The following HDAC9 variants were observed in gnomAD, a reference collection of about 807,000 sequenced individuals.
HDAC9 encodes the protein MEF-2 interacting transcription repressor (MITR) protein.
Under a neutral mutation model 139.4 loss-of-function variants are expected in HDAC9, and 41 were observed. The ratio of observed to expected loss-of-function variants is 0.29; its 90% CI spans 0.23 to 0.38. The LOEUF is 0.38. Among genes scored for constraint, HDAC9 ranks in the 10% least tolerant of loss-of-function variants. The probability of loss-of-function intolerance (pLI) is 1.00; values close to 1 mark genes in which losing one functional copy is unlikely to be tolerated. For missense variants in HDAC9, 1,147 were observed against 1,297.0 expected (o/e 0.88, Z 1.78); for synonymous variants, 517 against 476.2 (o/e 1.09, Z -1.12).
At chr7:18,904,572 CTTTTTTTTTTTTTT>C (rs71017010) in intron 22 of HDAC9, among the ~76,000 whole-genome samples, 23 of 71,942 alleles carry the variant, frequency 3.2e-4, no homozygotes, top group Middle Eastern at 8.5e-3. Context: ...CTCCCCATTT[CTTTTTTTTTTTTTT>C]TTTTTTTTTT....
At chr7:18,776,206 C>A (rs2519743) in intron 16 of HDAC9, among the ~76,000 whole-genome samples, 1,741 of 152,114 alleles carry the variant, frequency 0.011, 25 homozygotes, top group African/African-American at 0.04. Flanking sequence ...GCCTCCCAAA[C>A]TGCTAGGATT....
Position 18,789,286 on chromosome 7 carries a change from G to GCGCGCACACACACACACACACACA in HDAC9, c.2215-4058_2215-4057insGCGCACACACACACACACACACAC, listed in dbSNP as rs146066951. ...TTAATGCACACGCAGACACATACAC[G>GCGCGCACACACACACACACACACA]CACACACACACACACACACACACAG... On this transcript the variant is annotated intron_variant, in intron 16 of 25. Transcript: ENST00000686413. 1.7e-3 allele frequency among the ~76,000 whole-genome samples: 259 copies of GCGCGCACACACACACACACACACA among 148,496 alleles called. 1 individual carries two copies. The highest frequency in any genetic ancestry group is 5.9e-3 in the African/African-American group (234 of 39,966).
chr7:18,759,962 A>G (rs1789237082), intron 14 of HDAC9, among the ~76,000 whole-genome samples: 1 of 152,212 alleles, frequency 6.6e-6, no homozygotes, highest in African/African-American at 2.4e-5. Flanking sequence ...AGATGAAACG[A>G]ATCTTTATAG....
intron 1 of HDAC9, among the ~76,000 whole-genome samples, chr7:18,302,668 T>A (rs1478242854): frequency 2.0e-5 from 3 of 152,236 alleles, no homozygotes; most frequent in South Asian, 2.1e-4. Flanking sequence ...TTCAGTTTCT[T>A]CATCTAAATG....
intron 6 of HDAC9, among the ~76,000 whole-genome samples, chr7:18,595,747 C>G (rs1332585872): frequency 6.6e-6 from 1 of 151,996 alleles, no homozygotes; most frequent in African/African-American, 2.4e-5. Context: ...GACTGCAGAA[C>G]TGATAACTGA....
intron 1 of HDAC9, among the ~76,000 whole-genome samples, chr7:18,125,782 AG>A (rs901907258): frequency 6.6e-6 from 1 of 152,144 alleles, no homozygotes; most frequent in African/African-American, 2.4e-5. Context: ...TTAACACTTT[AG>A]CTATGGACAA....
At chr7:18,154,581 C>T (rs1787033294) in intron 1 of HDAC9, among the ~76,000 whole-genome samples, 1 of 152,176 alleles carries the variant, frequency 6.6e-6, no homozygotes, top group Non-Finnish European at 1.5e-5. Flanking sequence ...TTAAATAATT[C>T]ATGTTTAAGC....
intron 12 of HDAC9, among the ~76,000 whole-genome samples, chr7:18,703,991 T>A (rs1473318691): frequency 1.3e-5 from 2 of 152,214 alleles, no homozygotes; most frequent in Non-Finnish European, 2.9e-5. Flanking sequence ...GTGGCATCTC[T>A]GCCATTCCTG....
At chr7:18,354,261 T>G (rs932623607) in intron 1 of HDAC9, among the ~76,000 whole-genome samples, 1 of 152,218 alleles carries the variant, frequency 6.6e-6, no homozygotes, top group Non-Finnish European at 1.5e-5. Context: ...TTCCCATTTA[T>G]TACATTTGCC....
chr7:18,932,652 A>C (rs1804847449), intron 22 of HDAC9, among the ~76,000 whole-genome samples: 3 of 152,112 alleles, frequency 2.0e-5, no homozygotes, highest in East Asian at 3.9e-4. Context: ...ACAAATGGCC[A>C]ACACTTTGGA....
chr7:18,173,699 C>T (rs568687503), intron 2 of HDAC9, among the ~76,000 whole-genome samples: 12 of 151,944 alleles, frequency 7.9e-5, no homozygotes, highest in Admixed American at 2.0e-4. Context: ...TTTTATTTCT[C>T]CTTCACTTAG....
chr7:18,744,484 C>A (rs1787756417), intron 13 of HDAC9, among the ~76,000 whole-genome samples: 1 of 152,098 alleles, frequency 6.6e-6, no homozygotes, highest in Non-Finnish European at 1.5e-5. Context: ...TTAGCAAACA[C>A]CTTGGGAGGT....
intron 2 of HDAC9, among the ~76,000 whole-genome samples, chr7:18,285,282 T>C (rs1797363593): frequency 6.6e-6 from 1 of 152,134 alleles, no homozygotes; most frequent in South Asian, 2.1e-4. Context: ...TTTAGTGTTA[T>C]TCAGTATTTT....
chr7:18,793,372 C>G lies in HDAC9; in HGVS notation c.2242C>G (p.Leu748Val). 3 of 1,581,180 alleles carry G rather than the reference C, an allele frequency of 1.9e-6. No homozygotes were observed. Among genetic ancestry groups the G allele is most frequent in the Non-Finnish European group, 2.6e-6 (3 of 1,163,334 alleles). ...GVDSDTIWNELHSSGAARMAV... is the reference protein window; with the variant it reads ...GVDSDTIWNEVHSSGAARMAV... ...GGACAGTGACACCATTTGGAATGAG[C>G]TACACTCGTCCGGTGCTGCACGCAT... The change falls in exon 17 of 26, where the codon CTA becomes GTA. Residue 748 changes from leucine to valine, a missense_variant. By Grantham distance (32) the Leu-to-Val change is conservative (BLOSUM62 1). Coordinates refer to ENST00000686413, the MANE Select transcript of HDAC9 (RefSeq NM_178425.4).
chr7:18,192,927 C>A (rs1268271824), intron 2 of HDAC9, among the ~76,000 whole-genome samples: 3 of 152,100 alleles, frequency 2.0e-5, no homozygotes, highest in Non-Finnish European at 4.4e-5. Flanking sequence ...GACTTTTTCT[C>A]CCATTTTACA....
chr7:18,833,711 G>T lies in HDAC9; in HGVS notation c.2467-1756G>T, dbSNP rs754407417. Among the ~76,000 whole-genome samples the T allele has an allele frequency of 3.3e-5, 5 of 152,168 alleles. No homozygotes were observed. The South Asian group carries it at 1.0e-3, about 32-fold the overall frequency. On this transcript the variant is annotated intron_variant, in intron 19 of 25. Transcript: ENST00000686413. ...ATGTCTTTAGCTGAAACAACTTTCT[G>T]GGATGATGTGTATGTGCCCCAACAT...
chr7:18,803,107 C>G (rs576588633), intron 17 of HDAC9, among the ~76,000 whole-genome samples: 20 of 151,832 alleles, frequency 1.3e-4, no homozygotes, highest in African/African-American at 3.9e-4. Context: ...TTTATTTTTT[C>G]TCTATGTGAC....
intron 15 of HDAC9, among the ~76,000 whole-genome samples, chr7:18,764,659 C>T (rs1293596818): frequency 4.0e-5 from 6 of 151,858 alleles, no homozygotes; most frequent in Admixed American, 3.3e-4. Context: ...TCTGGAAGAC[C>T]GGATTGAAGC....
At chr7:18,118,857 A>G (rs1784183925) in intron 1 of HDAC9, among the ~76,000 whole-genome samples, 1 of 152,186 alleles carries the variant, frequency 6.6e-6, no homozygotes, top group Non-Finnish European at 1.5e-5. Flanking sequence ...TTAAGAGAAT[A>G]TTGGCCAAGA....
Sources: gnomAD v4.1 joint callset for allele counts (sites outside exome capture counted in the v4.1 genomes callset) on GRCh38, gnomAD v4.1.1 for gene constraint, MANE v1.5 for transcripts, NCBI Gene and HGNC (gene_info 2026-07-23, HGNC 2026-07-21) for gene names.